Variants in MYO3A observed in about 807,000 individuals in gnomAD.
MYO3A encodes myosin IIIA.
A neutral mutation model predicts 192.7 loss-of-function variants in MYO3A; 180 were observed. The ratio of observed to expected loss-of-function variants is 0.93; its 90% confidence interval spans 0.83 to 1.06. MYO3A has a LOEUF of 1.06. MYO3A is among the 50% of genes least tolerant of loss of function. The pLI, the probability that MYO3A is intolerant of heterozygous loss-of-function variation, is 0.00. For missense variants in MYO3A, 1,896 were observed against 1,905.0 expected (o/e 1.00, Z 0.09); for synonymous variants, 628 against 645.3 (o/e 0.97, Z 0.41).
intron 3 of MYO3A, 38 bp downstream of exon 3, chr10:25,952,316 T>C (rs1305162017): frequency 1.3e-6 from 2 of 1,580,466 alleles, no homozygotes; most frequent in Non-Finnish European, 1.7e-6. Flanking sequence ...GCTTTATTTT[T>C]ATCTGTATGA....
rs1464001412 is a variant in MYO3A, at chr10:26,140,327, C to A, written c.2263-3121C>A. Among the ~76,000 whole-genome samples the A allele has an allele frequency of 2.6e-5, 4 of 152,126 alleles. No homozygotes were observed. In the East Asian group the frequency reaches 7.7e-4, roughly 29 times the overall value. On this transcript the variant is annotated intron_variant, in intron 20 of 34. Transcript: ENST00000642920. ...AAATATTTAAGCTGGTTGTTTAGGC[C>A]AAGCTTCTGTGGGCTTTCCTGCCAC...
At chr10:26,025,686 C>A (rs1011201539) in intron 9 of MYO3A, among the ~76,000 whole-genome samples, 1 of 152,202 alleles carries the variant, frequency 6.6e-6, no homozygotes, top group African/African-American at 2.4e-5. Context: ...TCAAAGTCAG[C>A]TGTCACAGCT....
intron 4 of MYO3A, 133 bp from the exon 5 acceptor site, chr10:25,996,357 C>T: frequency 1.4e-6 from 1 of 703,482 alleles, no homozygotes; most frequent in South Asian, 1.7e-5. Context: ...TTTATGAAAG[C>T]ATAAAGATAA....
chr10:25,976,648 A>G (rs1838981404), intron 4 of MYO3A, among the ~76,000 whole-genome samples: 2 of 152,172 alleles, frequency 1.3e-5, no homozygotes, highest in African/African-American at 4.8e-5. Flanking sequence ...AGGGTAGAGA[A>G]TTCATTTTCA....
At chr10:26,013,333 C>A (rs1270807938) in intron 6 of MYO3A, among the ~76,000 whole-genome samples, 1 of 149,372 alleles carries the variant, frequency 6.7e-6, no homozygotes, top group African/African-American at 2.6e-5. Flanking sequence ...ACGGAATAAA[C>A]AGACAAACCA....
rs146629426 is a variant in MYO3A, at chr10:26,173,807, T to C, written c.3543T>C (p.Ser1181=). 17 of 1,613,774 alleles carry C rather than the reference T, an allele frequency of 1.1e-5. No homozygotes were observed. The African/African-American group carries it at 2.3e-4, about 22-fold the overall frequency. The change falls in exon 30 of 35, where the codon AGT becomes AGC. Residue 1181 remains serine, a synonymous_variant. Coordinates refer to ENST00000642920, the MANE Select transcript of MYO3A (RefSeq NM_017433.5). ...AGGAAACCACCAATGCTGTGGAGAG[T>C]AACAACAGAGTGTATCAGACTCCAA... ...PEEETTNAVE[S]NNRVYQTPKK...
intron 17 of MYO3A, among the ~76,000 whole-genome samples, chr10:26,110,555 A>G (rs537586562): frequency 6.6e-6 from 1 of 152,352 alleles, no homozygotes; most frequent in South Asian, 2.1e-4. Context: ...ATGATACATA[A>G]GGACAGGAAC....
chr10:26,193,427 G>A lies in MYO3A; in HGVS notation c.4545+116G>A, dbSNP rs965037554. On this transcript the variant is annotated intron_variant, in intron 32 of 34. Transcript: ENST00000642920. ...GGAAGGCCTGGCAGGACAGAGATGC[G>A]CTTGGTCTCCTCTTCACTGCCCTCC... 5.3e-5 allele frequency: 45 copies of A among 843,760 alleles called. No homozygotes were observed. The African/African-American group carries it at 5.7e-4, about 11-fold the overall frequency. The allele number at this position is 843,760 out of a possible 1,614,324, so 52.3% of individuals were successfully genotyped here.
At chr10:25,950,636 G>A (rs974015185) in intron 2 of MYO3A, among the ~76,000 whole-genome samples, 5 of 152,150 alleles carry the variant, frequency 3.3e-5, no homozygotes, top group African/African-American at 1.2e-4. Context: ...GATGGAAAAA[G>A]GGAGGAACAA....
chr10:26,086,954 T>C lies in MYO3A; in HGVS notation c.1360-1249T>C, dbSNP rs1163502912. Among the ~76,000 whole-genome samples the C allele has an allele frequency of 3.3e-5, 5 of 151,076 alleles. No homozygotes were observed. The East Asian group carries it at 9.7e-4, about 29-fold the overall frequency. ...AACTTCTTAATCTAATCTCTTTGTC[T>C]TGTTTTAGATTAATGTTAATTGGGG... is the stretch of plus-strand genomic sequence containing the variant. On this transcript the variant is annotated intron_variant, in intron 14 of 34. Coordinates refer to ENST00000642920, the MANE Select transcript of MYO3A (RefSeq NM_017433.5).
chr10:26,077,675 A>G (rs1365238617), intron 14 of MYO3A, among the ~76,000 whole-genome samples: 1 of 152,018 alleles, frequency 6.6e-6, no homozygotes, highest in Non-Finnish European at 1.5e-5. Flanking sequence ...TGTCCCTTGT[A>G]TGCTAATTTT....
chr10:26,106,443 A>G (rs1242453294), intron 17 of MYO3A, among the ~76,000 whole-genome samples: 2 of 152,094 alleles, frequency 1.3e-5, no homozygotes, highest in Admixed American at 6.5e-5. Context: ...ATATATAATC[A>G]TGTCATTAGC....
At chr10:26,191,140 A>G (rs1186803454) in intron 31 of MYO3A, among the ~76,000 whole-genome samples, 1 of 152,224 alleles carries the variant, frequency 6.6e-6, no homozygotes, top group Non-Finnish European at 1.5e-5. Context: ...GTTTCTTGCC[A>G]TTCAGATTCA....
intron 2 of MYO3A, among the ~76,000 whole-genome samples, chr10:25,950,042 C>G (rs1015477769): frequency 2.0e-5 from 3 of 152,096 alleles, no homozygotes; most frequent in Admixed American, 6.6e-5. Context: ...TAACAAAGCC[C>G]ATACCCTCAT....
chr10:26,045,683 G>A (rs1345535686), intron 10 of MYO3A, among the ~76,000 whole-genome samples: 1 of 151,972 alleles, frequency 6.6e-6, no homozygotes, highest in Admixed American at 6.6e-5. Context: ...ACCTTCCCCG[G>A]TCCTCCTTTC....
At chr10:26,180,377 A>G (rs1279181243) in intron 31 of MYO3A, among the ~76,000 whole-genome samples, 2 of 152,252 alleles carry the variant, frequency 1.3e-5, no homozygotes, top group Non-Finnish European at 2.9e-5. Context: ...TATGAAGAAT[A>G]CGTTTCTTAA....
At position 25,996,589 on chromosome 10, in the gene MYO3A, C is replaced by G; in HGVS notation, c.403C>G (p.Leu135Val). Reference sequence around the variant, plus strand: ...AATTGCCTATATTTTACATGAAGCACTAATGGTAAGGCAATTTAAATTGTA... The same window carrying G: ...AATTGCCTATATTTTACATGAAGCAGTAATGGTAAGGCAATTTAAATTGTA... The part of the protein sequence containing the change: ...PLIAYILHEA[L>V]MGLQHLHNNK... The change falls in exon 5 of 35, where the codon CTA becomes GTA. Residue 135 changes from leucine (L) to valine (V), a missense_variant. Transcript: ENST00000642920. 6.2e-7 allele frequency: 1 copy of G among 1,610,664 alleles called. No individual in the cohort carries two copies. The highest frequency in any genetic ancestry group is 8.5e-7 in the Non-Finnish European group (1 of 1,177,088).
chr10:26,071,408 C>T (rs1293349589), intron 14 of MYO3A, among the ~76,000 whole-genome samples: 1 of 151,998 alleles, frequency 6.6e-6, no homozygotes, highest in Admixed American at 6.5e-5. Flanking sequence ...TAGATCTAAA[C>T]ATAAAACCAA....
At chr10:26,060,149 C>T (rs1834365820) in intron 10 of MYO3A, among the ~76,000 whole-genome samples, 1 of 152,042 alleles carries the variant, frequency 6.6e-6, no homozygotes, top group Non-Finnish European at 1.5e-5. Flanking sequence ...ATCCCAGCTA[C>T]TTGGGAGGCT....
Sources: allele counts gnomAD v4.1 joint callset (sites outside exome capture counted in the v4.1 genomes callset), GRCh38; gene constraint gnomAD v4.1.1; transcripts MANE v1.5; gene names NCBI Gene and HGNC (gene_info 2026-07-23, HGNC 2026-07-21).